The following CMSS1 variants were observed in gnomAD, a reference collection of about 807,000 sequenced individuals.
CMSS1 encodes protein CMSS1.
Under a neutral mutation model 43.5 loss-of-function variants are expected in CMSS1, and 33 were observed. The ratio of observed to expected loss-of-function variants is 0.76; its 90% CI spans 0.57 to 1.01. The LOEUF is 1.01. Ranked by LOEUF, CMSS1 falls within the 50% of genes least tolerant of loss-of-function variation. CMSS1 has a pLI of 0.00. For missense variants in CMSS1, 313 were observed against 326.4 expected (o/e 0.96, Z 0.32); for synonymous variants, 115 against 117.2 (o/e 0.98, Z 0.12).
intron 1 of CMSS1, among the ~76,000 whole-genome samples, chr3:99,890,351 TTAC>T (rs1265668025): frequency 6.6e-6 from 1 of 152,138 alleles, no homozygotes; most frequent in East Asian, 1.9e-4. Flanking sequence ...TATTTTGTCC[TTAC>T]CAGGTTTCAT....
chr3:99,850,251 A>C (rs1943606536), intron 1 of CMSS1: 2 of 1,613,724 alleles, frequency 1.2e-6, no homozygotes, highest in African/African-American at 2.7e-5. Flanking sequence ...GCCGACTTTC[A>C]ATGGCTTCTA....
At chr3:100,057,065 C>T (rs1244500831) in intron 1 of CMSS1, among the ~76,000 whole-genome samples, 1 of 152,076 alleles carries the variant, frequency 6.6e-6, no homozygotes, top group Admixed American at 6.6e-5. Context: ...TGTAAGAGAA[C>T]TAATGATTGG....
At chr3:99,916,113 G>A (rs1486239786) in intron 1 of CMSS1, among the ~76,000 whole-genome samples, 13 of 152,308 alleles carry the variant, frequency 8.5e-5, no homozygotes, top group Non-Finnish European at 1.3e-4. Context: ...TTTCCAAAGA[G>A]GTTAGCATTT....
chr3:100,092,393 G>A (rs539547369), intron 1 of CMSS1, among the ~76,000 whole-genome samples: 9 of 152,110 alleles, frequency 5.9e-5, no homozygotes, highest in Admixed American at 2.6e-4. Flanking sequence ...ATAATGAACT[G>A]TAATAAGATT....
intron 5 of CMSS1, among the ~76,000 whole-genome samples, chr3:100,167,471 T>A (rs1248148352): frequency 6.6e-6 from 1 of 152,238 alleles, no homozygotes; most frequent in East Asian, 1.9e-4. Context: ...ATATCAAAAA[T>A]GTAATATTCC....
At chr3:100,172,608 G>T (rs1458040115) in intron 8 of CMSS1, among the ~76,000 whole-genome samples, 1 of 152,158 alleles carries the variant, frequency 6.6e-6, no homozygotes, top group African/African-American at 2.4e-5. Context: ...ACTGAAGTAC[G>T]TGTGCCCACC....
chr3:100,157,025 G>T (rs2066982020), intron 2 of CMSS1, among the ~76,000 whole-genome samples: 4 of 152,072 alleles, frequency 2.6e-5, no homozygotes, highest in Admixed American at 1.3e-4. Flanking sequence ...CAAAGCACTA[G>T]GGTTACAGAC....
chr3:99,990,530 G>T (rs1709481135), intron 1 of CMSS1, among the ~76,000 whole-genome samples: 1 of 152,164 alleles, frequency 6.6e-6, no homozygotes, highest in African/African-American at 2.4e-5. Flanking sequence ...TATCTATTAT[G>T]TGTTCCAGTG....
intron 1 of CMSS1, among the ~76,000 whole-genome samples, chr3:99,991,379 C>T (rs1709505355): frequency 6.6e-6 from 1 of 151,974 alleles, no homozygotes; most frequent in African/African-American, 2.4e-5. Flanking sequence ...GTAATTGTTC[C>T]AAGGTATATT....
intron 1 of CMSS1, among the ~76,000 whole-genome samples, chr3:99,838,372 G>C (rs1462564928): frequency 1.3e-5 from 2 of 152,226 alleles, no homozygotes; most frequent in Admixed American, 1.3e-4. Flanking sequence ...TGGCTATGGT[G>C]ATCATGGGAG....
chr3:99,942,512 C>A (rs1214121881), intron 1 of CMSS1, among the ~76,000 whole-genome samples: 1 of 152,184 alleles, frequency 6.6e-6, no homozygotes, highest in Non-Finnish European at 1.5e-5. Context: ...GCACTAGGCA[C>A]ATATTGGATA....
chr3:100,167,857 A>G lies in CMSS1; in HGVS notation c.518+17A>G, dbSNP rs771202750. 8 of 1,523,702 alleles carry G rather than the reference A, an allele frequency of 5.3e-6. No homozygotes were observed. Among genetic ancestry groups the G allele is most frequent in the Non-Finnish European group, 7.2e-6 (8 of 1,104,520 alleles). 94.4% of individuals were successfully genotyped at this position (1,523,702 alleles called of 1,614,324 possible). A position where few individuals can be genotyped will look rare whatever the true frequency, so the allele number is the denominator to read the frequency against. On this transcript the variant is annotated intron_variant, in intron 6 of 9. Coordinates refer to ENST00000421999, the MANE Select transcript of CMSS1 (RefSeq NM_032359.4). ...GCTCATTAGGTTGGAAGGTTCACCT[A>G]TTCCATATCATAAATGTTTTCTGAA...
chr3:100,008,804 G>A (rs912588526), intron 1 of CMSS1, among the ~76,000 whole-genome samples: 3 of 152,172 alleles, frequency 2.0e-5, no homozygotes, highest in Admixed American at 2.0e-4. Flanking sequence ...TGCAGAAATA[G>A]CATAATGTCA....
intron 1 of CMSS1, among the ~76,000 whole-genome samples, chr3:100,060,868 A>C (rs1421980631): frequency 6.6e-6 from 1 of 152,150 alleles, no homozygotes; most frequent in African/African-American, 2.4e-5. Flanking sequence ...TCTCGAAAAA[A>C]TAAAAATAAA....
At chr3:100,066,185 T>A (rs1316371096) in intron 1 of CMSS1, among the ~76,000 whole-genome samples, 1 of 152,208 alleles carries the variant, frequency 6.6e-6, no homozygotes, top group East Asian at 1.9e-4. Context: ...CTGACAGCAG[T>A]ATAATGATTT....
intron 1 of CMSS1, among the ~76,000 whole-genome samples, chr3:100,056,179 G>T (rs1249162327): frequency 6.6e-6 from 1 of 152,164 alleles, no homozygotes; most frequent in Non-Finnish European, 1.5e-5. Flanking sequence ...TACAAAAATG[G>T]TAGGGTACCA....
At chr3:100,128,608 A>C (rs1046234044) in intron 1 of CMSS1, among the ~76,000 whole-genome samples, 1 of 152,198 alleles carries the variant, frequency 6.6e-6, no homozygotes, top group African/African-American at 2.4e-5. Context: ...GAACATTTTC[A>C]TCACACCTAA....
chr3:100,158,110 A>G (rs1326431872), intron 2 of CMSS1, among the ~76,000 whole-genome samples: 4 of 152,294 alleles, frequency 2.6e-5, no homozygotes, highest in Admixed American at 2.6e-4. Flanking sequence ...CTTGGTTTTT[A>G]TATAGATCCT....
intron 1 of CMSS1, among the ~76,000 whole-genome samples, chr3:99,960,138 C>T (rs988484969): frequency 1.3e-5 from 2 of 152,130 alleles, no homozygotes; most frequent in Admixed American, 6.5e-5. Context: ...TTAGTGGTAG[C>T]TCACAACCTG....
Sources: gnomAD v4.1 joint callset for allele counts (sites outside exome capture counted in the v4.1 genomes callset) on GRCh38, gnomAD v4.1.1 for gene constraint, MANE v1.5 for transcripts, NCBI Gene and HGNC (gene_info 2026-07-23, HGNC 2026-07-21) for gene names.